COL23A1: variants seen among roughly 807,000 people sequenced by gnomAD.
COL23A1 encodes collagen alpha-1(XXIII) chain.
COL23A1 carries 97 observed loss-of-function variants against 99.3 expected under a neutral mutation model. That is an observed-to-expected ratio of 0.98 (90% CI 0.83 to 1.16). The LOEUF (loss-of-function observed/expected upper bound fraction) is 1.16, where lower values mean the gene tolerates loss of function less well. Among genes scored for constraint, COL23A1 ranks in the 50% most tolerant of loss-of-function variants. The probability of loss-of-function intolerance (pLI) is 0.00; values close to 1 mark genes in which losing one functional copy is unlikely to be tolerated. For synonymous variants in COL23A1, 320 were observed against 308.2 expected (o/e 1.04, Z -0.40); for missense variants, 762 against 757.4 (o/e 1.01, Z -0.07).
chr5:178,541,089 TACTA>T (rs572270546), intron 2 of COL23A1, among the ~76,000 whole-genome samples: 83 of 152,184 alleles, frequency 5.5e-4, no homozygotes, highest in Non-Finnish European at 1.1e-3. Context: ...CTATTATCAA[TACTA>T]ACTATCAAGT....
chr5:178,294,020 G>A (rs533235538), intron 3 of COL23A1, among the ~76,000 whole-genome samples: 1 of 152,156 alleles, frequency 6.6e-6, no homozygotes, highest in South Asian at 2.1e-4. Flanking sequence ...CCAGGGGCTG[G>A]AACCGACTAG....
Position 178,267,289 on chromosome 5 carries a change from G to T in COL23A1, c.522+18C>A. ...ACAAACCATGTGGGCAGTGAGGGAG[G>T]TCATGCCTGGTTCTTACCCGGGGGC... On this transcript the variant is annotated intron_variant, in intron 8 of 28. Transcript: ENST00000390654. 1 of 1,613,880 alleles carries T rather than the reference G, an allele frequency of 6.2e-7. No individual in the cohort carries two copies. Among genetic ancestry groups the T allele is most frequent in the Non-Finnish European group, 8.5e-7 (1 of 1,179,804 alleles).
Position 178,255,031 on chromosome 5 carries a change from G to C in COL23A1, c.883-5C>G. The C allele has an allele frequency of 6.2e-7, 1 of 1,612,652 alleles. No individual in the cohort carries two copies. On this transcript the variant is annotated splice_polypyrimidine_tract_variant and splice_region_variant and intron_variant, in intron 15 of 28. Coordinates refer to ENST00000390654, the MANE Select transcript of COL23A1 (RefSeq NM_173465.4). The surrounding 1 kb of genome is among the most constrained non-coding windows in gnomAD (Gnocchi z 4.2). ...GCCCTTGAGGCCTGGGGCACCCTGA[G>C]GCAGGAAGAAGAGTAAGAATTTCAG...
chr5:178,274,406 G>C (rs1260356376), intron 5 of COL23A1, among the ~76,000 whole-genome samples: 5 of 152,240 alleles, frequency 3.3e-5, no homozygotes. Flanking sequence ...TGCATGGGGT[G>C]GGGGGCGTGG....
Position 178,470,298 on chromosome 5 carries a change from G to A in COL23A1, c.361+90384C>T, listed in dbSNP as rs73803419. ...AGCTCTTGACTCCACCTGGCTCCAC[G>A]CCCCCTGCCCCATGTCTTCCCTTAG... On this transcript the variant is annotated intron_variant, in intron 2 of 28. Coordinates refer to ENST00000390654, the MANE Select transcript of COL23A1 (RefSeq NM_173465.4). Among the ~76,000 whole-genome samples the A allele has an allele frequency of 5.8e-3, 878 of 152,202 alleles. 14 individuals carry two copies. The highest frequency in any genetic ancestry group is 0.019 in the African/African-American group (797 of 41,516).
At chr5:178,241,881 T>C (rs2241581) in intron 27 of COL23A1, among the ~76,000 whole-genome samples, 161 bp downstream of exon 27, 46,087 of 152,160 alleles carry the variant, frequency 0.3, 8,105 homozygotes, top group African/African-American at 0.49. Flanking sequence ...ACCGCGATGA[T>C]GGCAGTAGCA....
intron 2 of COL23A1, among the ~76,000 whole-genome samples, chr5:178,529,429 C>T (rs148005732): frequency 6.6e-6 from 1 of 152,228 alleles, no homozygotes; most frequent in Non-Finnish European, 1.5e-5. Flanking sequence ...TTTCTTGGGG[C>T]CCCAAGTGCA....
In COL23A1 at chr5:178,259,614, C is replaced by A. The variant is rs937956285; in HGVS notation, c.729+107G>T. ...GCCGCCTTCCCTGTGGGTTGGCTCC[C>A]AGCCCATCCCGTCCCCATCCCCATC... On this transcript the variant is annotated intron_variant, in intron 12 of 28. Coordinates refer to ENST00000390654, the MANE Select transcript of COL23A1 (RefSeq NM_173465.4). 5.3e-6 allele frequency: 6 copies of A among 1,130,982 alleles called. No homozygotes were observed. In the East Asian group the frequency reaches 1.6e-4, roughly 30 times the overall value. 70.1% of individuals were successfully genotyped at this position (1,130,982 alleles called of 1,614,324 possible).
At chr5:178,411,794 T>G (rs1191970509) in intron 2 of COL23A1, among the ~76,000 whole-genome samples, 1 of 152,256 alleles carries the variant, frequency 6.6e-6, no homozygotes, top group Non-Finnish European at 1.5e-5. Flanking sequence ...CACCTCAATA[T>G]TCAACCTCAT....
chr5:178,291,335 C>T (rs1205239977), intron 3 of COL23A1, among the ~76,000 whole-genome samples: 1 of 152,166 alleles, frequency 6.6e-6, no homozygotes, highest in Non-Finnish European at 1.5e-5. Flanking sequence ...AGGCAAGAGC[C>T]CTGGCTCATG....
Position 178,251,913 on chromosome 5 carries a change from T to TC in COL23A1, c.1014+630_1014+631insG, listed in dbSNP as rs1459031178. On this transcript the variant is annotated intron_variant, in intron 17 of 28. Coordinates refer to ENST00000390654, the MANE Select transcript of COL23A1 (RefSeq NM_173465.4). ...CTCTCTCTTTCATTTTCTTTTCTTT[T>TC]TTTTTTTTTTTTATTTTGAGACAGA... Among the ~76,000 whole-genome samples the TC allele has an allele frequency of 5.2e-5, 7 of 135,098 alleles. No homozygotes were observed. In the South Asian group the frequency reaches 8.2e-4, roughly 16 times the overall value. 88.6% of individuals were successfully genotyped at this position (135,098 alleles called of 152,430 possible).
chr5:178,577,860 C>T (rs1433728296), intron 1 of COL23A1, among the ~76,000 whole-genome samples: 2 of 152,248 alleles, frequency 1.3e-5, no homozygotes, highest in Non-Finnish European at 2.9e-5. Flanking sequence ...ACCCAGGCTT[C>T]CCAATTCTAA....
chr5:178,360,178 G>A (rs566432011), intron 2 of COL23A1, among the ~76,000 whole-genome samples: 14 of 152,090 alleles, frequency 9.2e-5, no homozygotes, highest in South Asian at 6.2e-4. Flanking sequence ...CAAATTCTTC[G>A]CCAGACCAAG....
At chr5:178,249,339 G>A (rs1030941822) in intron 18 of COL23A1, 133 bp from the exon 19 acceptor site, 1 of 853,068 alleles carries the variant, frequency 1.2e-6, no homozygotes, top group African/African-American at 1.7e-5. Context: ...CAGCCACAGT[G>A]GCTGGGAGCC....
chr5:178,378,787 G>C (rs1189496955), intron 2 of COL23A1, among the ~76,000 whole-genome samples: 3 of 152,166 alleles, frequency 2.0e-5, no homozygotes, highest in Non-Finnish European at 2.9e-5. Flanking sequence ...AGGGTGAATG[G>C]AGACCGCTGG....
chr5:178,402,834 G>A (rs1764522025), intron 2 of COL23A1, among the ~76,000 whole-genome samples: 1 of 152,030 alleles, frequency 6.6e-6, no homozygotes, highest in African/African-American at 2.4e-5. Context: ...ATGTACATCT[G>A]TTATGTATCA....
chr5:178,583,520 G>C (rs1581683230), intron 1 of COL23A1, among the ~76,000 whole-genome samples: 1 of 152,270 alleles, frequency 6.6e-6, no homozygotes, highest in East Asian at 1.9e-4. Context: ...GCTGAGCCTC[G>C]CCCATCGAGA....
chr5:178,572,464 G>A (rs886262599), intron 1 of COL23A1, among the ~76,000 whole-genome samples: 1 of 151,664 alleles, frequency 6.6e-6, no homozygotes, highest in African/African-American at 2.4e-5. Context: ...TCAAGAAAAC[G>A]ACACCAAGAT....
At chr5:178,289,765 G>A (rs1757355150) in intron 4 of COL23A1, among the ~76,000 whole-genome samples, 1 of 151,954 alleles carries the variant, frequency 6.6e-6, no homozygotes. Context: ...AAGATTTGGT[G>A]AGGAACAACC....
Sources: allele counts gnomAD v4.1 joint callset (sites outside exome capture counted in the v4.1 genomes callset), GRCh38; gene constraint gnomAD v4.1.1; non-coding constraint Gnocchi (gnomAD v3.1); transcripts MANE v1.5; gene names NCBI Gene and HGNC (gene_info 2026-07-23, HGNC 2026-07-21).